AGBL1: variants seen among roughly 807,000 people sequenced by gnomAD.
AGBL1 encodes the protein cytosolic carboxypeptidase 4.
Under a neutral mutation model 118.9 loss-of-function variants are expected in AGBL1, and 130 were observed. The ratio of observed to expected loss-of-function variants is 1.09; its 90% CI spans 0.95 to 1.26. The LOEUF is 1.26. Ranked by LOEUF, AGBL1 falls within the 50% of genes most tolerant of loss-of-function variation. The pLI is 0.00. For synonymous variants in AGBL1, 555 were observed against 478.9 expected (o/e 1.16, Z -2.08); for missense variants, 1,584 against 1,298.1 (o/e 1.22, Z -3.38).
chr15:86,725,053 A>G (rs1040480955), intron 22 of AGBL1, among the ~76,000 whole-genome samples: 1 of 152,240 alleles, frequency 6.6e-6, no homozygotes, highest in Non-Finnish European at 1.5e-5. Context: ...TGAGAAAAAA[A>G]GCAGCCACTG....
At chr15:86,362,761 A>C (rs546235581) in intron 17 of AGBL1, among the ~76,000 whole-genome samples, 2 of 152,204 alleles carry the variant, frequency 1.3e-5, no homozygotes, top group Non-Finnish European at 2.9e-5. Context: ...GCTGAGTCAC[A>C]GAGCTACTTC....
intron 22 of AGBL1, among the ~76,000 whole-genome samples, chr15:86,835,059 G>A (rs1450456146): frequency 6.6e-6 from 1 of 152,116 alleles, no homozygotes; most frequent in Non-Finnish European, 1.5e-5. Context: ...TCTTGTCTGA[G>A]TCACTTCCCT....
intron 21 of AGBL1, among the ~76,000 whole-genome samples, chr15:86,663,878 A>C (rs1365101025): frequency 1.3e-5 from 2 of 152,144 alleles, no homozygotes; most frequent in Non-Finnish European, 2.9e-5. Context: ...TGGCTTGATC[A>C]GACTCTAGGC....
chr15:86,197,509 G>C (rs1416405510), intron 5 of AGBL1, among the ~76,000 whole-genome samples: 23 of 152,226 alleles, frequency 1.5e-4, no homozygotes, highest in Admixed American at 1.5e-3. Context: ...AGAACTGGCA[G>C]GCACTAAAAT....
chr15:86,702,918 G>A (rs1163117506), intron 22 of AGBL1, among the ~76,000 whole-genome samples: 1 of 152,048 alleles, frequency 6.6e-6, no homozygotes, highest in East Asian at 1.9e-4. Flanking sequence ...GGAAGCAAGT[G>A]TAGATGGAAA....
intron 23 of AGBL1, among the ~76,000 whole-genome samples, chr15:86,959,191 C>T (rs1047873941): frequency 6.6e-6 from 1 of 152,032 alleles, no homozygotes; most frequent in Non-Finnish European, 1.5e-5. Context: ...GTTCATCAAA[C>T]ATAATAATCT....
intron 18 of AGBL1, among the ~76,000 whole-genome samples, chr15:86,512,361 A>G (rs1360976703): frequency 6.6e-6 from 1 of 151,884 alleles, no homozygotes; most frequent in Admixed American, 6.6e-5. Context: ...ATTTGTCTAT[A>G]CCTCTATATT....
At position 86,664,609 on chromosome 15, in the gene AGBL1, C is replaced by T. The variant is rs556339615; in HGVS notation, c.2995-9664C>T. On this transcript the variant is annotated intron_variant, in intron 21 of 22. Transcript: ENST00000614907. ...ACTAGACCTTTTTGCTGGGGGTTTA[C>T]CTCCCCTGCCAAGTAGACACAAGCC... Among the ~76,000 whole-genome samples, 5 of 152,136 alleles carry T rather than the reference C, an allele frequency of 3.3e-5. No homozygotes were observed. The South Asian group carries it at 1.0e-3, about 32-fold the overall frequency.
At chr15:86,701,366 A>G (rs2086355177) in intron 22 of AGBL1, among the ~76,000 whole-genome samples, 1 of 151,990 alleles carries the variant, frequency 6.6e-6, no homozygotes, top group African/African-American at 2.4e-5. Flanking sequence ...CATAATTCTG[A>G]AGCTAGAATT....
chr15:86,103,480 A>AT (rs888086090), intron 1 of AGBL1, among the ~76,000 whole-genome samples: 29 of 151,596 alleles, frequency 1.9e-4, no homozygotes, highest in Admixed American at 7.9e-4. Context: ...CACTTCTCCC[A>AT]TTTTTTTTGG....
Position 86,287,662 on chromosome 15 carries a change from G to A in AGBL1, c.2221-7593G>A, listed in dbSNP as rs373017937. Among the ~76,000 whole-genome samples the A allele has an allele frequency of 1.4e-4, 22 of 152,260 alleles. 1 individual carries two copies. In the East Asian group the frequency reaches 1.5e-3, roughly 11 times the overall value. ...AAATCAATTGACTATAGGTGTCTGA[G>A]TTTATGTTTGGGCTTTAGTTGAGAA... On this transcript the variant is annotated intron_variant, in intron 16 of 22. Coordinates refer to ENST00000614907, the MANE Select transcript of AGBL1 (RefSeq NM_001386094.1).
At chr15:86,735,797 C>T (rs191781545) in intron 22 of AGBL1, among the ~76,000 whole-genome samples, 3 of 152,034 alleles carry the variant, frequency 2.0e-5, no homozygotes, top group South Asian at 4.1e-4. Flanking sequence ...TGTACATAGG[C>T]GTGACTCATG....
intron 18 of AGBL1, among the ~76,000 whole-genome samples, chr15:86,500,786 A>G (rs2082909117): frequency 6.6e-6 from 1 of 151,776 alleles, no homozygotes; most frequent in Admixed American, 6.6e-5. Flanking sequence ...TTCACTCAGC[A>G]CAAGGTTTTC....
rs575728201 is a variant in AGBL1, at chr15:86,457,602, A to G, written c.2555+60056A>G. Among the ~76,000 whole-genome samples, 68 of 152,320 alleles carry G rather than the reference A, an allele frequency of 4.5e-4. 3 individuals are homozygous for G. The South Asian group carries it at 0.011, about 24-fold the overall frequency. On this transcript the variant is annotated intron_variant, in intron 18 of 22. Transcript: ENST00000614907. ...GTCCCCACTGTGCTTTAAGCTTCATATCTTGTAGAAAGATTTAAGACCAAA... is the reference window on the plus strand; with the variant it reads ...GTCCCCACTGTGCTTTAAGCTTCATGTCTTGTAGAAAGATTTAAGACCAAA...
chr15:86,201,386 T>A (rs770955287), intron 5 of AGBL1, among the ~76,000 whole-genome samples: 45 of 152,248 alleles, frequency 3.0e-4, no homozygotes, highest in Non-Finnish European at 5.6e-4. Context: ...ATCATTTGAC[T>A]ATCATTCTTG....
At chr15:86,272,570 G>A (rs8023807) in intron 15 of AGBL1, among the ~76,000 whole-genome samples, 109,343 of 152,050 alleles carry the variant, frequency 0.72, 40,045 homozygotes, top group African/African-American at 0.84. Flanking sequence ...AGTTGTCACT[G>A]TGGAAAAGAA....
intron 18 of AGBL1, among the ~76,000 whole-genome samples, chr15:86,444,409 G>T (rs374281104): frequency 1.3e-5 from 2 of 152,170 alleles, no homozygotes; most frequent in Admixed American, 6.5e-5. Flanking sequence ...GCTATTGCAT[G>T]ATGGGAAAGG....
intron 18 of AGBL1, among the ~76,000 whole-genome samples, chr15:86,485,971 T>A (rs1017850581): frequency 1.3e-5 from 2 of 152,092 alleles, no homozygotes; most frequent in African/African-American, 2.4e-5. Context: ...AAAGGCAGGA[T>A]TGCAGAGCAG....
intron 17 of AGBL1, among the ~76,000 whole-genome samples, chr15:86,337,373 A>G (rs763278354): frequency 1.3e-5 from 2 of 152,222 alleles, no homozygotes; most frequent in Non-Finnish European, 2.9e-5. Context: ...AGAAGGAAGG[A>G]AGGAATGAGG....
Sources: gnomAD v4.1 joint callset for allele counts (sites outside exome capture counted in the v4.1 genomes callset) on GRCh38, gnomAD v4.1.1 for gene constraint, MANE v1.5 for transcripts, NCBI Gene and HGNC (gene_info 2026-07-23, HGNC 2026-07-21) for gene names.